Variants in UBAC2 observed in about 807,000 individuals in gnomAD.
The protein encoded by UBAC2 is UBA domain containing 2, also known as ubiquitin-associated domain-containing protein 2.
A neutral mutation model predicts 44.0 loss-of-function variants in UBAC2; 26 were observed. The ratio of observed to expected loss-of-function variants is 0.59; its 90% CI spans 0.43 to 0.82. The LOEUF (loss-of-function observed/expected upper bound fraction) is 0.82, where lower values mean the gene tolerates loss of function less well. UBAC2 is among the 40% of genes least tolerant of loss of function. The pLI is 0.00. For synonymous variants in UBAC2, 155 were observed against 154.3 expected (o/e 1.00, Z -0.04); for missense variants, 329 against 419.4 (o/e 0.78, Z 1.88).
At chr13:99,382,398 C>A (rs2045563260) in intron 8 of UBAC2, among the ~76,000 whole-genome samples, 1 of 152,226 alleles carries the variant, frequency 6.6e-6, no homozygotes, top group Admixed American at 6.5e-5. Context: ...ACTGGCCACA[C>A]CAGTGATGCA....
At chr13:99,382,089 C>T (rs2045558506) in intron 8 of UBAC2, among the ~76,000 whole-genome samples, 2 of 152,188 alleles carry the variant, frequency 1.3e-5, no homozygotes, top group Non-Finnish European at 2.9e-5. Context: ...CCCTTGAACA[C>T]AGAGTTCTGG....
In UBAC2 at chr13:99,347,253, C is replaced by T. The variant is rs138045086; in HGVS notation, c.807+6688C>T. Reference sequence around the variant, plus strand: ...ACCAGTTCAGTGGCCAGGGAGCCTGCGGAGTAGAATGTTTCAGGAAGAGTA... The same window carrying T: ...ACCAGTTCAGTGGCCAGGGAGCCTGTGGAGTAGAATGTTTCAGGAAGAGTA... On this transcript the variant is annotated intron_variant, in intron 7 of 8. Transcript: ENST00000403766. 3.4e-3 allele frequency among the ~76,000 whole-genome samples: 471 copies of T among 138,036 alleles called. 2 individuals carry two copies. The highest frequency in any genetic ancestry group is 7.2e-3 in the Admixed American group (87 of 12,066). The allele number at this position is 138,036 out of a possible 152,430, so 90.6% of individuals were successfully genotyped here.
At chr13:99,307,215 G>A (rs920776581) in intron 4 of UBAC2, 2 of 152,124 alleles carry the variant, frequency 1.3e-5, no homozygotes, top group South Asian at 2.1e-4. Context: ...TATAATTTTT[G>A]TTAGAAGTGA....
At chr13:99,285,118 C>A (rs886668709) in intron 4 of UBAC2, among the ~76,000 whole-genome samples, 2 of 151,990 alleles carry the variant, frequency 1.3e-5, no homozygotes, top group Non-Finnish European at 2.9e-5. Flanking sequence ...ATAATGTTAC[C>A]TTACCTAACA....
intron 4 of UBAC2, among the ~76,000 whole-genome samples, chr13:99,306,716 A>G (rs1256582838): frequency 6.6e-6 from 1 of 152,190 alleles, no homozygotes; most frequent in Non-Finnish European, 1.5e-5. Context: ...GTCTAAGTAA[A>G]CACAAGTATA....
At chr13:99,374,445 C>G (rs1032159389) in intron 8 of UBAC2, among the ~76,000 whole-genome samples, 4 of 152,222 alleles carry the variant, frequency 2.6e-5, no homozygotes, top group Non-Finnish European at 4.4e-5. Context: ...TTGGTCAATT[C>G]ACATGACACG....
intron 4 of UBAC2, among the ~76,000 whole-genome samples, chr13:99,269,975 A>G (rs2043795852): frequency 6.6e-6 from 1 of 152,238 alleles, no homozygotes; most frequent in Non-Finnish European, 1.5e-5. Flanking sequence ...CCCTGTGACT[A>G]TTTCATAAAG....
rs116483695 is a variant in UBAC2 at position 99,347,486 on chromosome 13, G to C, written c.807+6921G>C. Among the ~76,000 whole-genome samples the C allele has an allele frequency of 6.3e-3, 965 of 152,154 alleles. 5 individuals carry two copies. Among genetic ancestry groups the C allele is most frequent in the African/African-American group, 0.023 (936 of 41,508 alleles). ...GGGAAGGTCAATATCACTCTGTTCT[G>C]ACTGGCTGCCCTCATTCTGGGACAT... On this transcript the variant is annotated intron_variant, in intron 7 of 8. Transcript: ENST00000403766.
chr13:99,262,270 A>G (rs1049872162), intron 4 of UBAC2, among the ~76,000 whole-genome samples: 3 of 152,234 alleles, frequency 2.0e-5, no homozygotes, highest in Non-Finnish European at 4.4e-5. Context: ...ATGTATGTAC[A>G]GGAAAAAAAT....
intron 8 of UBAC2, among the ~76,000 whole-genome samples, chr13:99,369,617 A>G (rs543488718): frequency 6.6e-6 from 1 of 152,358 alleles, no homozygotes; most frequent in South Asian, 2.1e-4. Context: ...TTCAACGTAC[A>G]GTGGATTTAT....
In UBAC2 at chr13:99,317,870, A is replaced by T. The variant is rs1228517756; in HGVS notation, c.514-152A>T. 4 of 541,578 alleles carry T rather than the reference A, an allele frequency of 7.4e-6. No individual in the cohort carries two copies. The African/African-American group carries it at 8.0e-5, about 11-fold the overall frequency. The allele number at this position is 541,578 out of a possible 1,614,324, so 33.5% of individuals were successfully genotyped here. On this transcript the variant is annotated intron_variant, in intron 5 of 8. Transcript: ENST00000403766. ...ATAATTTTCTTTTAAGTAACAGTTG[A>T]TATTTACTAATTTTCCATTTGCTTC...
chr13:99,224,518 C>T (rs1233164239), intron 1 of UBAC2, among the ~76,000 whole-genome samples: 3 of 152,088 alleles, frequency 2.0e-5, no homozygotes, highest in Non-Finnish European at 2.9e-5. Context: ...TTAATTTTTG[C>T]TTCATTGAAA....
rs555884462 is a variant in UBAC2, at chr13:99,260,733, C to T, written c.389+16109C>T. On this transcript the variant is annotated intron_variant, in intron 4 of 8. Coordinates refer to ENST00000403766, the MANE Select transcript of UBAC2 (RefSeq NM_001144072.2). ...TAATGAATTTTTTTTTTTCCCCAAA[C>T]AGAGGAACTTATTCAGGGACCATTC... Among the ~76,000 whole-genome samples, 3 of 151,850 alleles carry T rather than the reference C, an allele frequency of 2.0e-5. No individual in the cohort carries two copies. The South Asian group carries it at 6.2e-4, about 32-fold the overall frequency.
intron 7 of UBAC2, chr13:99,351,443 A>G (rs556100241): frequency 7.7e-5 from 33 of 429,994 alleles, no homozygotes; most frequent in South Asian, 5.0e-4. Flanking sequence ...TTGCCTCTTT[A>G]TCTTCCAAAC....
intron 4 of UBAC2, among the ~76,000 whole-genome samples, chr13:99,304,235 T>C (rs2044297806): frequency 6.6e-6 from 1 of 152,208 alleles, no homozygotes; most frequent in Non-Finnish European, 1.5e-5. Context: ...CTCACAACTC[T>C]GTGCCCGGTA....
At chr13:99,208,963 C>G (rs1285457537) in intron 1 of UBAC2, among the ~76,000 whole-genome samples, 1 of 152,216 alleles carries the variant, frequency 6.6e-6, no homozygotes, top group Admixed American at 6.5e-5. Context: ...GAACTTAGAT[C>G]CCCCTATAGT....
At chr13:99,201,396 T>C (rs970698298) in intron 1 of UBAC2, 2 of 1,606,348 alleles carry the variant, frequency 1.2e-6, no homozygotes, top group Non-Finnish European at 1.7e-6. Context: ...GAAGCTGACC[T>C]CTCAGTTTCA....
chr13:99,304,897 A>C (rs535619484), intron 4 of UBAC2, among the ~76,000 whole-genome samples: 1 of 152,234 alleles, frequency 6.6e-6, no homozygotes, highest in African/African-American at 2.4e-5. Context: ...ATAGGAAGGC[A>C]TCTCAAAACC....
chr13:99,344,908 A>C (rs1215146909), intron 7 of UBAC2, among the ~76,000 whole-genome samples: 3 of 152,240 alleles, frequency 2.0e-5, no homozygotes, highest in African/African-American at 7.2e-5. Context: ...GGCCAACTTC[A>C]GGGAGCTCAG....
Sources: gnomAD v4.1 joint callset for allele counts (sites outside exome capture counted in the v4.1 genomes callset) on GRCh38, gnomAD v4.1.1 for gene constraint, MANE v1.5 for transcripts, NCBI Gene and HGNC (gene_info 2026-07-23, HGNC 2026-07-21) for gene names.